Variants in LHFPL3 observed in about 807,000 individuals in gnomAD.
The protein encoded by LHFPL3 is LHFPL tetraspan subfamily member 3 protein.
A neutral mutation model predicts 19.3 loss-of-function variants in LHFPL3; 5 were observed. The ratio of observed to expected loss-of-function variants is 0.26; its 90% CI spans 0.14 to 0.54. The LOEUF is 0.54. Among genes scored for constraint, LHFPL3 ranks in the 20% least tolerant of loss-of-function variants. The pLI is 0.94. For missense variants in LHFPL3, 249 were observed against 307.4 expected (o/e 0.81, Z 1.42); for synonymous variants, 133 against 126.2 (o/e 1.05, Z -0.36).
At chr7:104,358,445 A>C (rs1790329041) in intron 1 of LHFPL3, among the ~76,000 whole-genome samples, 2 of 152,088 alleles carry the variant, frequency 1.3e-5, no homozygotes, top group African/African-American at 4.8e-5. Context: ...TCATATGTTT[A>C]CCTTTGTTTT....
chr7:104,448,775 T>G (rs1792378117), intron 1 of LHFPL3, among the ~76,000 whole-genome samples: 1 of 152,224 alleles, frequency 6.6e-6, no homozygotes, highest in African/African-American at 2.4e-5. Flanking sequence ...ATGAATTCTT[T>G]TGATTGTCTT....
intron 2 of LHFPL3, among the ~76,000 whole-genome samples, chr7:104,900,035 G>A (rs994607722): frequency 3.9e-5 from 6 of 152,096 alleles, no homozygotes; most frequent in Middle Eastern, 3.2e-3. Flanking sequence ...GTGCCTGGCC[G>A]CCAATTTATT....
At chr7:104,667,236 T>C (rs1261873859) in intron 1 of LHFPL3, among the ~76,000 whole-genome samples, 1 of 145,846 alleles carries the variant, frequency 6.9e-6, no homozygotes, top group Non-Finnish European at 1.5e-5. Flanking sequence ...CCCAATTATA[T>C]ATCCCCTCCT....
At chr7:104,813,789 C>T (rs991570413) in intron 2 of LHFPL3, among the ~76,000 whole-genome samples, 4 of 152,250 alleles carry the variant, frequency 2.6e-5, no homozygotes, top group Non-Finnish European at 4.4e-5. Flanking sequence ...TCAGAGAACA[C>T]GGTGGTGCCT....
At chr7:104,533,264 C>G (rs1482263213) in intron 1 of LHFPL3, among the ~76,000 whole-genome samples, 2 of 152,194 alleles carry the variant, frequency 1.3e-5, no homozygotes, top group African/African-American at 2.4e-5. Flanking sequence ...TAGAAGCACT[C>G]TGTCATAGTT....
At chr7:104,669,441 T>C in intron 1 of LHFPL3, 1 of 1,613,106 alleles carries the variant, frequency 6.2e-7, no homozygotes, top group Non-Finnish European at 8.5e-7. Flanking sequence ...GCAAAAAGGA[T>C]CAAGACTCCA....
chr7:104,528,391 G>T (rs1447126220), intron 1 of LHFPL3, among the ~76,000 whole-genome samples: 3 of 152,306 alleles, frequency 2.0e-5, no homozygotes, highest in Admixed American at 6.5e-5. Context: ...TTGGTGAGAA[G>T]TATTTACAGA....
chr7:104,677,239 T>C (rs1157153666), intron 1 of LHFPL3, among the ~76,000 whole-genome samples: 3 of 151,996 alleles, frequency 2.0e-5, no homozygotes, highest in Non-Finnish European at 2.9e-5. Context: ...TAGCTGGGTG[T>C]GGTGGCATGT....
rs182906874 is a variant in LHFPL3 at position 104,813,214 on chromosome 7, G to A, written c.682+76303G>A. ...GATCACTTGAGCCCAGAAGGTCAAG[G>A]CTGCAGTGAGACATGATGGCACCAC... On this transcript the variant is annotated intron_variant, in intron 2 of 2. Coordinates refer to ENST00000424859, the MANE Select transcript of LHFPL3 (RefSeq NM_199000.3). Among the ~76,000 whole-genome samples the A allele has an allele frequency of 1.6e-3, 245 of 152,240 alleles. 2 individuals are homozygous for A. In the East Asian group the frequency reaches 0.026, roughly 16 times the overall value.
intron 1 of LHFPL3, among the ~76,000 whole-genome samples, chr7:104,370,029 T>C (rs1790579723): frequency 6.6e-6 from 1 of 152,228 alleles, no homozygotes; most frequent in South Asian, 2.1e-4. Context: ...AATATACATG[T>C]TAGCCATGTA....
chr7:104,652,308 GC>G (rs1372095145), intron 1 of LHFPL3, among the ~76,000 whole-genome samples: 1 of 152,214 alleles, frequency 6.6e-6, no homozygotes, highest in African/African-American at 2.4e-5. Context: ...GCATTGAAGG[GC>G]CAGTGGGGGA....
At chr7:104,588,939 C>G (rs957807156) in intron 1 of LHFPL3, among the ~76,000 whole-genome samples, 11 of 152,164 alleles carry the variant, frequency 7.2e-5, no homozygotes, top group African/African-American at 2.4e-4. Context: ...TGTAGGAATG[C>G]TGGTGATTTT....
intron 1 of LHFPL3, among the ~76,000 whole-genome samples, chr7:104,414,373 T>G (rs1479648069): frequency 6.6e-6 from 1 of 152,200 alleles, no homozygotes; most frequent in Admixed American, 6.5e-5. Context: ...TCTTTGTGGA[T>G]TTTGGAAAGC....
At chr7:104,807,939 C>A in intron 2 of LHFPL3, among the ~76,000 whole-genome samples, 1 of 152,170 alleles carries the variant, frequency 6.6e-6, no homozygotes, top group East Asian at 1.9e-4. Context: ...GTTCCTGGCC[C>A]CTTTGTGCAT....
chr7:104,602,329 A>G (rs1393254377), intron 1 of LHFPL3, among the ~76,000 whole-genome samples: 3 of 151,772 alleles, frequency 2.0e-5, no homozygotes, highest in Non-Finnish European at 4.4e-5. Flanking sequence ...CCAGCAATTT[A>G]TTTTCTATAG....
At chr7:104,791,767 T>C (rs1479001954) in intron 2 of LHFPL3, among the ~76,000 whole-genome samples, 1 of 152,158 alleles carries the variant, frequency 6.6e-6, no homozygotes, top group Non-Finnish European at 1.5e-5. Flanking sequence ...ATTGAAAATA[T>C]TGTTCCCCCA....
intron 1 of LHFPL3, among the ~76,000 whole-genome samples, chr7:104,480,011 G>A (rs942980090): frequency 4.6e-5 from 7 of 152,160 alleles, no homozygotes; most frequent in African/African-American, 7.2e-5. Flanking sequence ...TGAAGGTTAT[G>A]ATGTTTAAAT....
At chr7:104,902,472 G>A (rs1792506764) in intron 2 of LHFPL3, among the ~76,000 whole-genome samples, 1 of 151,700 alleles carries the variant, frequency 6.6e-6, no homozygotes, top group Admixed American at 6.6e-5. Context: ...AGAGCTTTAG[G>A]AATGAAGGAC....
At position 104,609,298 on chromosome 7, in the gene LHFPL3, G is replaced by A. The variant is rs80342035; in HGVS notation, c.446-127377G>A. 4.3e-3 allele frequency among the ~76,000 whole-genome samples: 660 copies of A among 151,912 alleles called. 34 individuals carry two copies. In the East Asian group the frequency reaches 0.1, roughly 23 times the overall value. On this transcript the variant is annotated intron_variant, in intron 1 of 2. Coordinates refer to ENST00000424859, the MANE Select transcript of LHFPL3 (RefSeq NM_199000.3). The stretch of plus-strand genomic sequence containing the variant: ...GAAAAGAAAAAAAAAGTTAGCCACA[G>A]TTAGTTTTATTATCTTAATGGGGAT...
Sources: allele counts gnomAD v4.1 joint callset (sites outside exome capture counted in the v4.1 genomes callset), GRCh38; gene constraint gnomAD v4.1.1; transcripts MANE v1.5; gene names NCBI Gene and HGNC (gene_info 2026-07-23, HGNC 2026-07-21).